Variants in SYTL2 observed in about 807,000 individuals in gnomAD.
SYTL2 encodes synaptotagmin-like protein 2.
In SYTL2, 165 loss-of-function variants were observed where a neutral mutation model predicts 198.7. The ratio of observed to expected loss-of-function variants is 0.83; its 90% CI spans 0.73 to 0.94. SYTL2 has a LOEUF of 0.94. Ranked by LOEUF, SYTL2 falls within the 40% of genes least tolerant of loss-of-function variation. The probability of loss-of-function intolerance (pLI) is 0.00; values close to 1 mark genes in which losing one functional copy is unlikely to be tolerated. For missense variants in SYTL2, 2,835 were observed against 2,582.8 expected (o/e 1.10, Z -2.12); for synonymous variants, 966 against 917.7 (o/e 1.05, Z -0.95).
At chr11:85,807,743 G>C (rs2092977441) in intron 1 of SYTL2, among the ~76,000 whole-genome samples, 1 of 152,176 alleles carries the variant, frequency 6.6e-6, no homozygotes, top group South Asian at 2.1e-4. Context: ...AGTACAGCTT[G>C]ACCCTGCATT....
intron 1 of SYTL2, among the ~76,000 whole-genome samples, chr11:85,795,994 T>C (rs1021186823): frequency 6.6e-6 from 1 of 152,202 alleles, no homozygotes; most frequent in African/African-American, 2.4e-5. Flanking sequence ...ACCAGAAGCT[T>C]AAACTTCTTC....
chr11:85,780,831 C>T (rs932998100), intron 1 of SYTL2, among the ~76,000 whole-genome samples: 1 of 152,210 alleles, frequency 6.6e-6, no homozygotes, highest in Non-Finnish European at 1.5e-5. Flanking sequence ...CAACCTATTA[C>T]TTGCGATTGG....
At chr11:85,787,867 A>G (rs2092663486) in intron 1 of SYTL2, among the ~76,000 whole-genome samples, 1 of 151,984 alleles carries the variant, frequency 6.6e-6, no homozygotes, top group Admixed American at 6.6e-5. Flanking sequence ...CTCTGCTGTG[A>G]AAGCTACTTG....
intron 1 of SYTL2, among the ~76,000 whole-genome samples, chr11:85,810,287 G>C (rs941983875): frequency 6.6e-6 from 1 of 152,132 alleles, no homozygotes; most frequent in Non-Finnish European, 1.5e-5. Context: ...GGTCAAAGGG[G>C]ATTTATAAAG....
intron 1 of SYTL2, among the ~76,000 whole-genome samples, chr11:85,786,831 T>C (rs2092643340): frequency 6.6e-6 from 1 of 152,226 alleles, no homozygotes; most frequent in Non-Finnish European, 1.5e-5. Flanking sequence ...ATATCTGGGA[T>C]AAAAGGTCAT....
At chr11:85,817,127 G>C in the SYTL2 span, among the ~76,000 whole-genome samples, 1 of 152,114 alleles carries the variant, frequency 6.6e-6, no homozygotes, top group Non-Finnish European at 1.5e-5. Flanking sequence ...TCCAGAATGG[G>C]GTTGAGCACT....
chr11:85,714,748 C>T (rs990603374), intron 11 of SYTL2: 6 of 1,097,582 alleles, frequency 5.5e-6, no homozygotes, highest in South Asian at 4.5e-5. Context: ...ATTTTAAAAA[C>T]ATTAGTTTTT....
Position 85,714,398 on chromosome 11 carries a change from A to T in SYTL2, c.5625+15T>A. On this transcript the variant is annotated intron_variant, in intron 12 of 19. Transcript: ENST00000359152. ...TCTGTCTCCATTTTTCTGAAGGTAC[A>T]AAAGACAAACTTGCCTCATCTTGGA... The T allele has an allele frequency of 6.2e-7, 1 of 1,602,516 alleles. No homozygotes were observed. Among genetic ancestry groups the T allele is most frequent in the African/African-American group, 1.3e-5 (1 of 74,756 alleles).
intron 7 of SYTL2, among the ~76,000 whole-genome samples, chr11:85,732,658 G>A (rs1246581885): frequency 6.6e-6 from 1 of 152,018 alleles, no homozygotes; most frequent in African/African-American, 2.4e-5. Flanking sequence ...CAGGTTGATG[G>A]GTGCAGCAAA....
intron 12 of SYTL2, among the ~76,000 whole-genome samples, chr11:85,712,067 T>A (rs1169821908): frequency 6.6e-6 from 1 of 152,180 alleles, no homozygotes; most frequent in African/African-American, 2.4e-5. Context: ...GTTAGAGAGC[T>A]TATGGAACAG....
intron 1 of SYTL2, among the ~76,000 whole-genome samples, chr11:85,802,000 G>A (rs1592079931): frequency 6.6e-6 from 1 of 151,328 alleles, no homozygotes; most frequent in Admixed American, 6.6e-5. Context: ...ATTTTTAGTA[G>A]AGATGGGGTT....
chr11:85,714,215 G>A (rs2086783371), intron 12 of SYTL2, among the ~76,000 whole-genome samples, 198 bp downstream of exon 12: 1 of 152,232 alleles, frequency 6.6e-6, no homozygotes, highest in South Asian at 2.1e-4. Flanking sequence ...ACCAAAAGGA[G>A]TTACTGTTTG....
chr11:85,824,063 T>G, the SYTL2 span, among the ~76,000 whole-genome samples: 2 of 152,250 alleles, frequency 1.3e-5, no homozygotes, highest in Non-Finnish European at 2.9e-5. Context: ...GTTTACATTT[T>G]GTCTGAGTGC....
At chr11:85,812,979 C>G (rs1268589775), upstream of SYTL2, among the ~76,000 whole-genome samples, 1 of 152,166 alleles carries the variant, frequency 6.6e-6, no homozygotes, top group Admixed American at 6.5e-5. Context: ...GGCACTGGGT[C>G]TTGCTCACCT....
chr11:85,839,271 T>A, the SYTL2 span, among the ~76,000 whole-genome samples: 1 of 152,188 alleles, frequency 6.6e-6, no homozygotes, highest in Non-Finnish European at 1.5e-5. Flanking sequence ...AAATAGCAAG[T>A]CTTATTCACT....
At chr11:85,776,244 A>G (rs994742466) in intron 1 of SYTL2, among the ~76,000 whole-genome samples, 1 of 152,214 alleles carries the variant, frequency 6.6e-6, no homozygotes, top group Non-Finnish European at 1.5e-5. Flanking sequence ...AGCCATCAGA[A>G]TCATGAGCCA....
At position 85,727,428 on chromosome 11, in the gene SYTL2, TC is replaced by T. The variant is rs757324565; in HGVS notation, c.1929del (p.Ser644ValfsTer69). 1.4e-5 allele frequency: 21 copies of T among 1,536,172 alleles called. No individual in the cohort carries two copies. The South Asian group carries it at 2.4e-4, about 17-fold the overall frequency. ...TCTTGGCTATAGTCCATATTTTTAC[TC>T]CCTTGACTTGGGGTGCCATAGCTTT... ...PFESYGTPSQGSKNMDYSQDS... is the reference protein window; with the variant it reads ...PFESYGTPSQXSKNMDYSQDS... On this transcript the variant is annotated frameshift_variant, in exon 8 of 20. Coordinates refer to ENST00000359152, the MANE Select transcript of SYTL2 (RefSeq NM_206927.4). LOFTEE classifies it high-confidence loss of function.
At chr11:85,764,126 A>G (rs2092174458) in intron 1 of SYTL2, among the ~76,000 whole-genome samples, 2 of 152,204 alleles carry the variant, frequency 1.3e-5, no homozygotes, top group Admixed American at 1.3e-4. Flanking sequence ...TACCCTGCCC[A>G]CTTGAACCCC....
chr11:85,697,246 A>C (rs1211776115), intron 18 of SYTL2, among the ~76,000 whole-genome samples: 1 of 152,146 alleles, frequency 6.6e-6, no homozygotes, highest in Admixed American at 6.5e-5. Context: ...GGCTATGTTG[A>C]CCAGGCTGGT....
Sources: gnomAD v4.1 joint callset for allele counts (sites outside exome capture counted in the v4.1 genomes callset) on GRCh38, gnomAD v4.1.1 for gene constraint, MANE v1.5 for transcripts, NCBI Gene and HGNC (gene_info 2026-07-23, HGNC 2026-07-21) for gene names.